The following CDC14A variants were observed in gnomAD, a reference collection of about 807,000 sequenced individuals.
CDC14A encodes cell division cycle 14A, also known as dual specificity protein phosphatase CDC14A.
A neutral mutation model predicts 74.4 loss-of-function variants in CDC14A; 53 were observed. The ratio of observed to expected loss-of-function variants is 0.71; its 90% CI spans 0.57 to 0.89. The LOEUF (loss-of-function observed/expected upper bound fraction) is 0.89, where lower values mean the gene tolerates loss of function less well. Among genes scored for constraint, CDC14A ranks in the 40% least tolerant of loss-of-function variants. The probability of loss-of-function intolerance (pLI) is 0.00; values close to 1 mark genes in which losing one functional copy is unlikely to be tolerated. For synonymous variants in CDC14A, 247 were observed against 258.4 expected (o/e 0.96, Z 0.43); for missense variants, 646 against 713.7 (o/e 0.91, Z 1.08).
intron 4 of CDC14A, among the ~76,000 whole-genome samples, chr1:100,404,548 A>T (rs1659688190): frequency 6.6e-6 from 1 of 152,164 alleles, no homozygotes; most frequent in African/African-American, 2.4e-5. Flanking sequence ...AAATAGTGGG[A>T]TGGCTGGCGT....
intron 11 of CDC14A, among the ~76,000 whole-genome samples, chr1:100,489,551 T>C (rs1175219790): frequency 6.6e-6 from 1 of 150,970 alleles, no homozygotes; most frequent in African/African-American, 2.4e-5. Flanking sequence ...CTTCATGTTG[T>C]TGTTTGTTCT....
At chr1:100,352,001 TGTGCGC>T, upstream of CDC14A, among the ~76,000 whole-genome samples, 1 of 133,916 alleles carries the variant, frequency 7.5e-6, no homozygotes, top group African/African-American at 3.0e-5. Flanking sequence ...TGTGTGTGTG[TGTGCGC>T]GCGCGCGCGC....
At chr1:100,351,030 CA>C (rs907620402), upstream of CDC14A, among the ~76,000 whole-genome samples, 1 of 152,026 alleles carries the variant, frequency 6.6e-6, no homozygotes, top group African/African-American at 2.4e-5. Context: ...CCGGTCTCTA[CA>C]AAAAATACAA....
intron 2 of CDC14A, among the ~76,000 whole-genome samples, chr1:100,357,589 A>G (rs1652096805): frequency 1.3e-5 from 2 of 152,010 alleles, no homozygotes; most frequent in Admixed American, 6.6e-5. Context: ...CTGTGTAATT[A>G]TTTGCTGAAT....
intron 2 of CDC14A, among the ~76,000 whole-genome samples, chr1:100,356,411 G>A (rs1169709685): frequency 2.0e-5 from 3 of 151,918 alleles, no homozygotes; most frequent in Non-Finnish European, 4.4e-5. Context: ...GAGAAGCTGG[G>A]TCACTTGCCC....
chr1:100,504,829 C>T (rs772862912), intron 15 of CDC14A: 228 of 1,535,514 alleles, frequency 1.5e-4, no homozygotes, highest in Non-Finnish European at 1.8e-4. Flanking sequence ...ATGCCTACTG[C>T]TAGTCTTTAG....
At chr1:100,351,799 T>G, upstream of CDC14A, 4 of 1,550,200 alleles carry the variant, frequency 2.6e-6, no homozygotes, top group Non-Finnish European at 2.6e-6. Flanking sequence ...ACAAGTTATA[T>G]CAGAGTCTGG....
chr1:100,347,923 T>G (rs1650567493), upstream of CDC14A, among the ~76,000 whole-genome samples: 1 of 152,188 alleles, frequency 6.6e-6, no homozygotes. Context: ...ATACAATATG[T>G]AAACCACACA....
chr1:100,446,738 C>G (rs1665581791), intron 7 of CDC14A, among the ~76,000 whole-genome samples: 1 of 152,092 alleles, frequency 6.6e-6, no homozygotes, highest in Admixed American at 6.5e-5. Flanking sequence ...CGCTCTGTCA[C>G]CCAGGCTGGA....
intron 3 of CDC14A, among the ~76,000 whole-genome samples, chr1:100,385,179 T>C (rs917957821): frequency 6.6e-6 from 1 of 152,244 alleles, no homozygotes; most frequent in African/African-American, 2.4e-5. Flanking sequence ...GACAGTGTTT[T>C]AGCTTCATAT....
chr1:100,491,542 C>CTATA (rs1670633217), intron 11 of CDC14A, among the ~76,000 whole-genome samples: 2 of 40,978 alleles, frequency 4.9e-5, no homozygotes, highest in African/African-American at 7.8e-5. Flanking sequence ...CTCTCTCTCT[C>CTATA]TCTCTCTATA....
At chr1:100,433,641 A>G (rs1396141691) in intron 5 of CDC14A, among the ~76,000 whole-genome samples, 1 of 152,078 alleles carries the variant, frequency 6.6e-6, no homozygotes, top group East Asian at 1.9e-4. Context: ...TCTGTTCTCC[A>G]TTCTTTCTTC....
intron 4 of CDC14A, among the ~76,000 whole-genome samples, chr1:100,420,025 C>CATATATACATATATATATACAT (rs1662076840): frequency 1.5e-5 from 1 of 66,282 alleles, no homozygotes. Flanking sequence ...TATATATATA[C>CATATATACATATATATATACAT]ATATATACAC....
intron 4 of CDC14A, among the ~76,000 whole-genome samples, chr1:100,395,683 T>C (rs945805306): frequency 6.6e-6 from 1 of 152,210 alleles, no homozygotes; most frequent in Non-Finnish European, 1.5e-5. Context: ...TTAGATCACG[T>C]CATTACCCTG....
At chr1:100,501,389 A>G (rs1324876920) in intron 15 of CDC14A, among the ~76,000 whole-genome samples, 2 of 152,194 alleles carry the variant, frequency 1.3e-5, no homozygotes, top group African/African-American at 2.4e-5. Context: ...ATAACAGACC[A>G]TGTATACAAT....
At chr1:100,436,942 T>G (rs1347986467) in intron 5 of CDC14A, among the ~76,000 whole-genome samples, 1 of 152,174 alleles carries the variant, frequency 6.6e-6, no homozygotes, top group Non-Finnish European at 1.5e-5. Context: ...TCCTAGCACT[T>G]TGGGAGGCAG....
chr1:100,417,073 A>G (rs1034418440), intron 4 of CDC14A, among the ~76,000 whole-genome samples: 1 of 152,220 alleles, frequency 6.6e-6, no homozygotes, highest in Non-Finnish European at 1.5e-5. Flanking sequence ...GACAGGCTCA[A>G]TCAAATAACC....
chr1:100,505,862 C>T (rs986333111), intron 15 of CDC14A, among the ~76,000 whole-genome samples: 3 of 152,128 alleles, frequency 2.0e-5, no homozygotes, highest in African/African-American at 7.2e-5. Flanking sequence ...CAACAACCTG[C>T]TTGGCTTTGC....
chr1:100,518,210 G>T (rs1650399106), intron 15 of CDC14A, 41 bp from the exon 16 acceptor site: 1 of 1,545,506 alleles, frequency 6.5e-7, no homozygotes, highest in Non-Finnish European at 8.9e-7. Context: ...AGTTTTACAT[G>T]TGATGGAATT....
Sources: gnomAD v4.1 joint callset for allele counts (sites outside exome capture counted in the v4.1 genomes callset) on GRCh38, gnomAD v4.1.1 for gene constraint, MANE v1.5 for transcripts, NCBI Gene and HGNC (gene_info 2026-07-23, HGNC 2026-07-21) for gene names.